Variants in PLCB1 observed in about 807,000 individuals in gnomAD.
PLCB1 encodes phospholipase C beta 1.
PLCB1 carries 46 observed loss-of-function variants against 161.8 expected under a neutral mutation model. The ratio of observed to expected loss-of-function variants is 0.28; its 90% CI spans 0.22 to 0.36. The LOEUF (loss-of-function observed/expected upper bound fraction) is 0.36. Among genes scored for constraint, PLCB1 ranks in the 10% least tolerant of loss-of-function variants. The pLI, the probability that PLCB1 is intolerant of heterozygous loss-of-function variation, is 1.00. For missense variants in PLCB1, 1,016 were observed against 1,472.5 expected, an observed-to-expected ratio of 0.69 and a Z score of 5.07; for synonymous variants, 517 against 503.7, an observed-to-expected ratio of 1.03 and a Z score of -0.35.
At chr20:8,149,388 T>G (rs1481165142) in intron 1 of PLCB1, among the ~76,000 whole-genome samples, 1 of 152,170 alleles carries the variant, frequency 6.6e-6, no homozygotes, top group Non-Finnish European at 1.5e-5. Context: ...TTAAAATCAT[T>G]CATACTGCTC....
chr20:8,262,658 C>T (rs572532708), intron 2 of PLCB1, among the ~76,000 whole-genome samples: 27 of 152,256 alleles, frequency 1.8e-4, no homozygotes, highest in Non-Finnish European at 3.1e-4. Context: ...GCTCTCTTTT[C>T]GTACAGGCTG....
chr20:8,810,351 G>C (rs1340740770), intron 31 of PLCB1, among the ~76,000 whole-genome samples: 1 of 152,078 alleles, frequency 6.6e-6, no homozygotes, highest in Non-Finnish European at 1.5e-5. Context: ...GTACACCATA[G>C]TACGTGTGTT....
At chr20:8,532,125 A>G (rs1261676345) in intron 3 of PLCB1, among the ~76,000 whole-genome samples, 1 of 152,116 alleles carries the variant, frequency 6.6e-6, no homozygotes, top group Non-Finnish European at 1.5e-5. Context: ...TTAGTGTCTT[A>G]TTTGCCAGTC....
chr20:8,824,071 G>C (rs1985568350), intron 31 of PLCB1, among the ~76,000 whole-genome samples: 1 of 152,144 alleles, frequency 6.6e-6, no homozygotes, highest in East Asian at 1.9e-4. Flanking sequence ...GACACATCCA[G>C]CATTCAGACT....
intron 3 of PLCB1, among the ~76,000 whole-genome samples, chr20:8,613,888 A>G (rs747167075): frequency 1.3e-5 from 2 of 152,094 alleles, no homozygotes; most frequent in African/African-American, 2.4e-5. Flanking sequence ...TTAAATTTCT[A>G]TAGGAGAAAA....
intron 3 of PLCB1, among the ~76,000 whole-genome samples, chr20:8,580,187 C>A (rs1353546740): frequency 6.6e-6 from 1 of 152,170 alleles, no homozygotes; most frequent in Non-Finnish European, 1.5e-5. Flanking sequence ...TGTCAGCGAA[C>A]TCCAAACTGG....
intron 31 of PLCB1, among the ~76,000 whole-genome samples, chr20:8,821,511 AT>A (rs1985401541): frequency 7.5e-5 from 1 of 13,406 alleles, no homozygotes; most frequent in Non-Finnish European, 1.3e-4. Flanking sequence ...GTATATATAT[AT>A]ATATATATAT....
rs187758481 is a variant in PLCB1, at chr20:8,728,343, A to G, written c.1764-707A>G. On this transcript the variant is annotated intron_variant, in intron 17 of 31. Coordinates refer to ENST00000338037, the MANE Select transcript of PLCB1 (RefSeq NM_015192.4). ...TAACCAACCTTCACCTAACTTGGTGATAGGAACTAGTCAGTCATGTTTTAA... is the reference window on the plus strand; with the variant it reads ...TAACCAACCTTCACCTAACTTGGTGGTAGGAACTAGTCAGTCATGTTTTAA... Among the ~76,000 whole-genome samples, 464 of 152,196 alleles carry G rather than the reference A, an allele frequency of 3.0e-3. 1 individual carries two copies. Among genetic ancestry groups the G allele is most frequent in the Non-Finnish European group, 5.3e-3 (359 of 67,972 alleles).
intron 2 of PLCB1, among the ~76,000 whole-genome samples, chr20:8,227,345 C>T (rs1448976687): frequency 6.6e-6 from 1 of 152,174 alleles, no homozygotes; most frequent in Non-Finnish European, 1.5e-5. Flanking sequence ...ACTCCAGGTG[C>T]TTGTTTCCCA....
chr20:8,737,974 G>A (rs1046519725), intron 20 of PLCB1, among the ~76,000 whole-genome samples: 1 of 152,140 alleles, frequency 6.6e-6, no homozygotes, highest in Non-Finnish European at 1.5e-5. Context: ...CTAGCACAAT[G>A]AAAATATTCA....
intron 2 of PLCB1, among the ~76,000 whole-genome samples, chr20:8,356,587 G>A (rs540618468): frequency 2.8e-4 from 43 of 152,222 alleles, no homozygotes; most frequent in Non-Finnish European, 5.7e-4. Context: ...AAATAATGCC[G>A]AAAGACATAC....
chr20:8,366,017 G>T (rs1028227497), intron 2 of PLCB1, among the ~76,000 whole-genome samples: 2 of 152,024 alleles, frequency 1.3e-5, no homozygotes, highest in African/African-American at 4.8e-5. Flanking sequence ...ATGGCTGATG[G>T]ATTGAAATCT....
chr20:8,521,081 G>A (rs1332305021), intron 3 of PLCB1, among the ~76,000 whole-genome samples: 2 of 152,064 alleles, frequency 1.3e-5, no homozygotes, highest in Non-Finnish European at 2.9e-5. Flanking sequence ...GTACTCTTGA[G>A]GTGCAAAAAG....
intron 14 of PLCB1, among the ~76,000 whole-genome samples, chr20:8,721,988 GTGTT>G (rs1979663662): frequency 6.6e-6 from 1 of 152,126 alleles, no homozygotes; most frequent in African/African-American, 2.4e-5. Flanking sequence ...CCCTGAGAGA[GTGTT>G]TGTATATCAA....
chr20:8,478,164 A>G (rs539865935), intron 3 of PLCB1, among the ~76,000 whole-genome samples: 1 of 152,342 alleles, frequency 6.6e-6, no homozygotes, highest in Admixed American at 6.5e-5. Flanking sequence ...GGAGTGAAAG[A>G]TCAAGTATTT....
At chr20:8,259,062 T>C (rs1380809734) in intron 2 of PLCB1, among the ~76,000 whole-genome samples, 2 of 152,226 alleles carry the variant, frequency 1.3e-5, no homozygotes, top group Admixed American at 6.5e-5. Context: ...TCTTTTCATG[T>C]AGCATAACGC....
chr20:8,691,426 A>C (rs1990477175), intron 10 of PLCB1, among the ~76,000 whole-genome samples: 1 of 152,166 alleles, frequency 6.6e-6, no homozygotes, highest in Non-Finnish European at 1.5e-5. Context: ...AAGTTTTCCT[A>C]TTTAAATGAG....
In PLCB1 at chr20:8,774,704, A is replaced by T; in HGVS notation, c.3096A>T (p.Arg1032=). 1 of 1,602,842 alleles carries T rather than the reference A, an allele frequency of 6.2e-7. No homozygotes were observed. The highest frequency in any genetic ancestry group is 8.5e-7 in the Non-Finnish European group (1 of 1,171,352). The change falls in exon 27 of 32, where the codon CGA becomes CGT. Residue 1032 remains arginine, a synonymous_variant. Coordinates refer to ENST00000338037, the MANE Select transcript of PLCB1 (RefSeq NM_015192.4). ...EQYYSEKYQK[R]EHIKLLIQKL... Reference sequence around the variant, plus strand: ...ATTATAGTGAAAAATACCAGAAGCGAGAACATATTAAACTGGTGAGCCTGA... The same window carrying T: ...ATTATAGTGAAAAATACCAGAAGCGTGAACATATTAAACTGGTGAGCCTGA...
chr20:8,257,096 C>T (rs185848785), intron 2 of PLCB1, among the ~76,000 whole-genome samples: 207 of 152,204 alleles, frequency 1.4e-3, no homozygotes, highest in African/African-American at 4.4e-3. Flanking sequence ...CCAGAGATAC[C>T]TCTAAAAGTT....
Sources: allele counts gnomAD v4.1 joint callset (sites outside exome capture counted in the v4.1 genomes callset), GRCh38; gene constraint gnomAD v4.1.1; transcripts MANE v1.5; gene names NCBI Gene and HGNC (gene_info 2026-07-23, HGNC 2026-07-21).